Variants in ZNRF3 observed in about 807,000 individuals in gnomAD.
ZNRF3 encodes E3 ubiquitin-protein ligase ZNRF3.
ZNRF3 carries 23 observed loss-of-function variants against 72.5 expected under a neutral mutation model. The ratio of observed to expected loss-of-function variants is 0.32; its 90% CI spans 0.23 to 0.45. The LOEUF is 0.45. Among genes scored for constraint, ZNRF3 ranks in the 20% least tolerant of loss-of-function variants. The pLI is 1.00. For missense variants in ZNRF3, 1,169 were observed against 1,272.1 expected, an observed-to-expected ratio of 0.92 and a Z score of 1.23; for synonymous variants, 610 against 545.3, an observed-to-expected ratio of 1.12 and a Z score of -1.65.
At chr22:28,928,298 G>C (rs906860529) in intron 1 of ZNRF3, among the ~76,000 whole-genome samples, 1 of 151,796 alleles carries the variant, frequency 6.6e-6, no homozygotes, top group African/African-American at 2.4e-5. Context: ...TTTTACCCGC[G>C]TTTTTACTCA....
intron 1 of ZNRF3, among the ~76,000 whole-genome samples, chr22:28,907,302 C>T (rs1310305298): frequency 6.6e-6 from 1 of 152,116 alleles, no homozygotes; most frequent in Non-Finnish European, 1.5e-5. Flanking sequence ...CACATGGAGT[C>T]ATTTTCACAT....
chr22:29,016,533 G>C (rs1452319244), intron 2 of ZNRF3, among the ~76,000 whole-genome samples: 2 of 152,182 alleles, frequency 1.3e-5, no homozygotes, highest in African/African-American at 4.8e-5. Context: ...GACCCAATGG[G>C]ACTTGAGATA....
At chr22:28,937,188 TA>T in intron 1 of ZNRF3, among the ~76,000 whole-genome samples, 1 of 3,544 alleles carries the variant, frequency 2.8e-4, no homozygotes, top group South Asian at 0.017. Context: ...TATATATATA[TA>T]TATATATATA....
At position 28,956,353 on chromosome 22, in the gene ZNRF3, CTTTTTT is replaced by C. The variant is rs61155224; in HGVS notation, c.301-30704_301-30699del. Among the ~76,000 whole-genome samples the C allele has an allele frequency of 7.8e-3, 865 of 110,440 alleles. 15 individuals carry two copies. Among genetic ancestry groups the C allele is most frequent in the African/African-American group, 0.029 (834 of 28,428 alleles). 72.5% of individuals were successfully genotyped at this position (110,440 alleles called of 152,430 possible). On this transcript the variant is annotated intron_variant, in intron 1 of 8. Transcript: ENST00000544604. ...TCCGAATGGCCTTTGTTTCCATTTCCTTTTTTTTTTTTTTTTTTTTTTTTAAAGCTG... is the reference window on the plus strand; with the variant it reads ...TCCGAATGGCCTTTGTTTCCATTTCCTTTTTTTTTTTTTTTTTTAAAGCTG...
chr22:28,940,413 A>G (rs1397039055), intron 1 of ZNRF3, among the ~76,000 whole-genome samples: 1 of 151,664 alleles, frequency 6.6e-6, no homozygotes, highest in Admixed American at 6.6e-5. Context: ...TAAACTTGTT[A>G]GAGTATGTGA....
chr22:28,995,027 A>G (rs2036023754), intron 2 of ZNRF3, among the ~76,000 whole-genome samples: 1 of 152,220 alleles, frequency 6.6e-6, no homozygotes, highest in African/African-American at 2.4e-5. Context: ...GAAATTTTCT[A>G]CTTACTTTTG....
intron 1 of ZNRF3, among the ~76,000 whole-genome samples, chr22:28,884,269 G>T (rs1330785962): frequency 1.3e-5 from 2 of 152,000 alleles, no homozygotes; most frequent in South Asian, 4.1e-4. Flanking sequence ...GAGCGCACGT[G>T]GGGGCTAGAG....
intron 1 of ZNRF3, among the ~76,000 whole-genome samples, chr22:28,951,009 G>C (rs1164173839): frequency 6.6e-6 from 1 of 152,052 alleles, no homozygotes; most frequent in Non-Finnish European, 1.5e-5. Context: ...CCCTGTGATG[G>C]CACCTTGCCT....
chr22:28,972,614 G>A (rs2035596512), intron 1 of ZNRF3, among the ~76,000 whole-genome samples: 1 of 152,140 alleles, frequency 6.6e-6, no homozygotes, highest in South Asian at 2.1e-4. Context: ...TTTCTCTTGG[G>A]TATATACTCA....
intron 2 of ZNRF3, among the ~76,000 whole-genome samples, chr22:29,041,156 A>G (rs938284207): frequency 6.6e-6 from 1 of 152,126 alleles, no homozygotes; most frequent in African/African-American, 2.4e-5. Context: ...ATGTATGTAT[A>G]TATTTTGTGG....
At chr22:28,913,137 T>C (rs952450967) in intron 1 of ZNRF3, among the ~76,000 whole-genome samples, 1 of 152,266 alleles carries the variant, frequency 6.6e-6, no homozygotes, top group Non-Finnish European at 1.5e-5. Flanking sequence ...GATGAGCTTT[T>C]CTCAAGGCAT....
intron 1 of ZNRF3, among the ~76,000 whole-genome samples, chr22:28,912,810 G>A (rs963199206): frequency 7.9e-5 from 12 of 151,828 alleles, no homozygotes; most frequent in African/African-American, 1.7e-4. Flanking sequence ...AATTACAGGC[G>A]CCCACCACCA....
intron 1 of ZNRF3, among the ~76,000 whole-genome samples, chr22:28,963,205 A>G (rs1425369918): frequency 6.6e-6 from 1 of 152,256 alleles, no homozygotes; most frequent in African/African-American, 2.4e-5. Flanking sequence ...GAAACCCAAC[A>G]CACAGAGTGC....
Position 29,050,305 on chromosome 22 carries a change from G to C in ZNRF3, c.2124G>C (p.Pro708=), listed in dbSNP as rs762676144. ...RRTWKGGHEL[P]SCACCCEPQP... The stretch of plus-strand genomic sequence containing the variant: ...CCTGGAAGGGGGGCCACGAGTTGCC[G>C]TCGTGTGCCTGCTGCTGCGAGCCCC... The change falls in exon 8 of 9, where the codon CCG becomes CCC. Residue 708 remains proline (P), a synonymous_variant. Transcript: ENST00000544604. 3.8e-6 allele frequency: 6 copies of C among 1,598,734 alleles called. No individual in the cohort carries two copies. Among genetic ancestry groups the C allele is most frequent in the Middle Eastern group, 1.7e-4 (1 of 6,050 alleles).
chr22:28,886,524 A>T (rs928212118), intron 1 of ZNRF3, among the ~76,000 whole-genome samples: 2 of 152,192 alleles, frequency 1.3e-5, no homozygotes, highest in Non-Finnish European at 2.9e-5. Context: ...ATTCCCAAAC[A>T]TTTTATCCAC....
intron 1 of ZNRF3, among the ~76,000 whole-genome samples, chr22:28,901,703 C>T (rs914939106): frequency 5.6e-5 from 8 of 141,790 alleles, no homozygotes; most frequent in Non-Finnish European, 8.9e-5. Context: ...TGTAGTGGCA[C>T]GATCTCGGCT....
chr22:29,049,719 T>G lies in ZNRF3; in HGVS notation c.1538T>G (p.Val513Gly). Residue 513 changes from valine (V) to glycine (G), a missense_variant, in exon 8 of 9, where the codon GTG becomes GGG. Val to Gly is a moderately radical substitution (Grantham distance 109). Coordinates refer to ENST00000544604, the MANE Select transcript of ZNRF3 (RefSeq NM_001206998.2). This position sits in a 1 kb window ranked among gnomAD's most constrained non-coding sequence, Gnocchi z 5.2. ...GGCAGCCTGCTCTTCCCCACCGTGG[T>G]GCACGTGGCCCCGCCCTCCCACCTG... ...GSGSLLFPTVVHVAPPSHLES... is the reference protein window; with the variant it reads ...GSGSLLFPTVGHVAPPSHLES... 4 of 1,601,772 alleles carry G rather than the reference T, an allele frequency of 2.5e-6. No individual in the cohort carries two copies. Among genetic ancestry groups the G allele is most frequent in the Non-Finnish European group, 3.4e-6 (4 of 1,174,666 alleles).
At chr22:28,901,670 G>C (rs2034107061) in intron 1 of ZNRF3, among the ~76,000 whole-genome samples, 1 of 122,646 alleles carries the variant, frequency 8.2e-6, no homozygotes, top group African/African-American at 3.1e-5. Context: ...ACAGAGTCTT[G>C]CTCTCTCACT....
chr22:29,038,633 T>C (rs748361354), intron 2 of ZNRF3, among the ~76,000 whole-genome samples: 7 of 149,886 alleles, frequency 4.7e-5, no homozygotes, highest in Non-Finnish European at 8.8e-5. Flanking sequence ...ACCTGGCCTG[T>C]ATTTTTTTAA....
Sources: gnomAD v4.1 joint callset for allele counts (sites outside exome capture counted in the v4.1 genomes callset) on GRCh38, gnomAD v4.1.1 for gene constraint, Gnocchi (gnomAD v3.1) non-coding constraint, MANE v1.5 for transcripts, NCBI Gene and HGNC (gene_info 2026-07-23, HGNC 2026-07-21) for gene names.